The following EML2 variants were observed in gnomAD, a reference collection of about 807,000 sequenced individuals.
EML2 encodes the protein EMAP like 2.
Under a neutral mutation model 84.7 loss-of-function variants are expected in EML2, and 59 were observed. That is an observed-to-expected ratio of 0.70 (90% CI 0.56 to 0.86). The LOEUF (loss-of-function observed/expected upper bound fraction) is 0.86, where lower values mean the gene tolerates loss of function less well. Among genes scored for constraint, EML2 ranks in the 40% least tolerant of loss-of-function variants. The pLI is 0.00. For missense variants in EML2, 818 were observed against 855.6 expected, an observed-to-expected ratio of 0.96 and a Z score of 0.55; for synonymous variants, 352 against 348.9, an observed-to-expected ratio of 1.01 and a Z score of -0.10.
In EML2 at chr19:45,617,688, G is replaced by T; in HGVS notation, c.1264C>A (p.Arg422Ser). 6.2e-7 allele frequency: 1 copy of T among 1,613,740 alleles called. No homozygotes were observed. Among genetic ancestry groups the T allele is most frequent in the South Asian group, 1.1e-5 (1 of 90,988 alleles). The change falls in exon 13 of 19, where the codon CGC (arginine) becomes AGC (serine). Residue 422 changes from arginine to serine, a missense_variant. By Grantham distance (110) the Arg-to-Ser change is moderately radical. Transcript: ENST00000245925. ...CCACTGGGGTGGAAGCCGGCTGAGC[G>T]GGCAGGGTCCTGAGAAGGGAGAGAG... Reference protein sequence around the residue: ...LWSRIIEDPARSAGFHPSGSV... With the variant: ...LWSRIIEDPASSAGFHPSGSV...
chr19:45,642,480 G>A, upstream of EML2: 1 of 1,438,790 alleles, frequency 7.0e-7, no homozygotes, highest in Admixed American at 2.7e-5. Flanking sequence ...ACCTGGGGCT[G>A]GGACACTTGG....
intron 6 of EML2, among the ~76,000 whole-genome samples, chr19:45,630,849 G>GT (rs1241488510): frequency 2.0e-5 from 3 of 152,146 alleles, no homozygotes; most frequent in African/African-American, 7.2e-5. Flanking sequence ...GTTTTTGTTT[G>GT]TTTTTTATTT....
upstream of EML2, chr19:45,642,234 A>G: frequency 6.5e-7 from 1 of 1,535,826 alleles, no homozygotes; most frequent in African/African-American, 1.4e-5. Flanking sequence ...GGCGACGCAG[A>G]GCATCCGCCA....
At chr19:45,645,239 C>T, upstream of EML2, 2 of 1,527,374 alleles carry the variant, frequency 1.3e-6, no homozygotes, top group Non-Finnish European at 1.7e-6. Flanking sequence ...CAGCCTTGGG[C>T]GGGGCCAAGG....
At chr19:45,617,063 T>C (rs1971176868) in intron 13 of EML2, among the ~76,000 whole-genome samples, 1 of 151,992 alleles carries the variant, frequency 6.6e-6, no homozygotes, top group Non-Finnish European at 1.5e-5. Flanking sequence ...CTGGTCAACA[T>C]AGCAAAACCC....
intron 18 of EML2, among the ~76,000 whole-genome samples, chr19:45,612,864 G>C (rs1402806344): frequency 4.6e-5 from 7 of 151,146 alleles, no homozygotes; most frequent in African/African-American, 1.7e-4. Flanking sequence ...GTTAGAACCA[G>C]AGAATGGTAA....
At chr19:45,615,171 T>TA (rs1418970128) in intron 16 of EML2, 1 of 156,852 alleles carries the variant, frequency 6.4e-6, no homozygotes, top group East Asian at 1.9e-4. Flanking sequence ...ACCCTGTCTC[T>TA]ACTAACAATA....
intron 2 of EML2, 42 bp downstream of exon 2, chr19:45,638,803 C>A (rs1974083794): frequency 1.2e-6 from 2 of 1,610,402 alleles, no homozygotes; most frequent in East Asian, 2.2e-5. Context: ...GTCACCCCAA[C>A]AAGCAAGCTT....
In EML2 at chr19:45,615,870, G is replaced by A. The variant is rs2122619284; in HGVS notation, c.1529C>T (p.Thr510Ile). ...GKCSGHSSFITHLDWAQDSSC... is the reference protein window; with the variant it reads ...GKCSGHSSFIIHLDWAQDSSC... ...GCTGTCCTGGGCCCAATCCAGGTGGGTGATAAAACTGGAATGGCCCTGCGG... is the reference window on the plus strand; with the variant it reads ...GCTGTCCTGGGCCCAATCCAGGTGGATGATAAAACTGGAATGGCCCTGCGG... Residue 510 changes from threonine to isoleucine, a missense_variant, in exon 16 of 19, where the codon ACC becomes ATC. By Grantham distance (89) the Thr-to-Ile change is moderately conservative (BLOSUM62 -1). Coordinates refer to ENST00000245925, the MANE Select transcript of EML2 (RefSeq NM_012155.4). The A allele has an allele frequency of 6.2e-7, 1 of 1,614,006 alleles. No individual in the cohort carries two copies. The highest frequency in any genetic ancestry group is 8.5e-7 in the Non-Finnish European group (1 of 1,179,922).
intron 3 of EML2, among the ~76,000 whole-genome samples, chr19:45,635,482 C>T (rs1373747938): frequency 6.6e-6 from 1 of 151,322 alleles, no homozygotes; most frequent in South Asian, 2.1e-4. Flanking sequence ...GAGGACCAGA[C>T]TCAACAAGGT....
intron 9 of EML2, 100 bp from the exon 10 acceptor site, chr19:45,621,737 C>A: frequency 7.6e-7 from 1 of 1,309,840 alleles, no homozygotes; most frequent in South Asian, 1.5e-5. Context: ...TCCATTCTCA[C>A]CCACTTTTCC....
chr19:45,644,716 C>T (rs771191129), upstream of EML2: 5 of 455,908 alleles, frequency 1.1e-5, no homozygotes, highest in East Asian at 6.9e-5. Flanking sequence ...CACCTGAGCC[C>T]GACACCCACA....
upstream of EML2, chr19:45,644,840 G>A (rs546957856): frequency 7.5e-5 from 34 of 454,890 alleles, 1 homozygote; most frequent in South Asian, 4.5e-4. Flanking sequence ...TCCTCTGGCC[G>A]TCCCTTTCCA....
intron 11 of EML2, chr19:45,619,543 C>T (rs936299542): frequency 1.2e-5 from 2 of 167,118 alleles, no homozygotes; most frequent in Admixed American, 1.2e-4. Flanking sequence ...TGGGAAGGCG[C>T]TTCTGGAGTC....
intron 3 of EML2, among the ~76,000 whole-genome samples, chr19:45,635,852 A>G (rs1345508168): frequency 6.6e-6 from 1 of 152,048 alleles, no homozygotes; most frequent in Non-Finnish European, 1.5e-5. Context: ...TCGGCCTCCC[A>G]AAGTGCTGGG....
chr19:45,642,389 A>C (rs1395900918), upstream of EML2: 2 of 1,521,380 alleles, frequency 1.3e-6, no homozygotes, highest in African/African-American at 2.7e-5. Context: ...AGGGCCACCC[A>C]GGAGCTCCAG....
chr19:45,628,855 G>A (rs67004640), intron 7 of EML2: 69,858 of 143,496 alleles, frequency 0.49, 16,878 homozygotes, highest in East Asian at 0.65. Flanking sequence ...AAGTAAGTAA[G>A]TAAATAAATA....
At chr19:45,630,551 C>CAAAAAA (rs764565313) in intron 6 of EML2, among the ~76,000 whole-genome samples, 23 of 106,032 alleles carry the variant, frequency 2.2e-4, no homozygotes, top group East Asian at 5.3e-4. Flanking sequence ...GACTCTGTCT[C>CAAAAAA]AAAAAAAAAA....
rs746193529 is a variant in EML2, at chr19:45,619,153, G to A, written c.1161C>T (p.Pro387=). 4 of 1,611,630 alleles carry A rather than the reference G, an allele frequency of 2.5e-6. No individual in the cohort carries two copies. Among genetic ancestry groups the A allele is most frequent in the Non-Finnish European group, 3.4e-6 (4 of 1,179,538 alleles). ...CGCAGGTCACAAACTGGGCCCGACT[G>A]GGGTGTGTGGCCAGGCCCCACAGCT... ...VEELWGLATH[P]SRAQFVTCGQ... is the part of the protein sequence containing the mutation. The change falls in exon 12 of 19, where the codon CCC becomes CCT. Residue 387 remains proline (P), a synonymous_variant. Transcript: ENST00000245925.
Sources: gnomAD v4.1 joint callset for allele counts (sites outside exome capture counted in the v4.1 genomes callset) on GRCh38, gnomAD v4.1.1 for gene constraint, MANE v1.5 for transcripts, NCBI Gene and HGNC (gene_info 2026-07-23, HGNC 2026-07-21) for gene names.